Variants in CSMD1 observed in about 807,000 individuals in gnomAD.
The protein encoded by CSMD1 is CUB and Sushi multiple domains 1.
A neutral mutation model predicts 417.5 loss-of-function variants in CSMD1; 213 were observed. The ratio of observed to expected loss-of-function variants is 0.51; its 90% CI spans 0.46 to 0.57. The LOEUF (loss-of-function observed/expected upper bound fraction) is 0.57. Ranked by LOEUF, CSMD1 falls within the 20% of genes least tolerant of loss-of-function variation. The pLI is 0.00. For synonymous variants in CSMD1, 2,862 were observed against 1,736.8 expected (o/e 1.65, Z -16.11); for missense variants, 6,923 against 4,529.7 (o/e 1.53, Z -15.17).
intron 52 of CSMD1, among the ~76,000 whole-genome samples, chr8:3,002,324 G>A (rs527265887): frequency 4.6e-5 from 7 of 152,162 alleles, no homozygotes; most frequent in Non-Finnish European, 8.8e-5. Context: ...GTGCTCTGTC[G>A]TGCATGGGGG....
intron 49 of CSMD1, among the ~76,000 whole-genome samples, chr8:3,070,031 T>C (rs552945340): frequency 1.8e-4 from 28 of 152,356 alleles, no homozygotes; most frequent in African/African-American, 6.0e-4. Flanking sequence ...ACCTGGGCAC[T>C]TGTGATTCAA....
At chr8:4,567,591 C>T (rs190648684) in intron 2 of CSMD1, among the ~76,000 whole-genome samples, 3 of 152,134 alleles carry the variant, frequency 2.0e-5, no homozygotes, top group South Asian at 4.2e-4. Context: ...AGCTTGAAAA[C>T]CCCACAGAAA....
At chr8:3,389,066 C>T (rs1212465538) in intron 17 of CSMD1, among the ~76,000 whole-genome samples, 1 of 152,098 alleles carries the variant, frequency 6.6e-6, no homozygotes, top group Non-Finnish European at 1.5e-5. Context: ...TTGTTGTTTA[C>T]TTTTATTTTA....
At chr8:3,445,491 C>A (rs955454616) in intron 12 of CSMD1, among the ~76,000 whole-genome samples, 1 of 152,082 alleles carries the variant, frequency 6.6e-6, no homozygotes, top group Non-Finnish European at 1.5e-5. Flanking sequence ...CAGATGGAAC[C>A]AAGCCTCTAT....
chr8:3,785,416 G>C (rs529888179), intron 5 of CSMD1, among the ~76,000 whole-genome samples: 2 of 152,286 alleles, frequency 1.3e-5, no homozygotes, highest in African/African-American at 2.4e-5. Context: ...GAGAGGTCAG[G>C]CTAAGCAGCT....
chr8:3,692,181 C>T (rs1479953693), intron 7 of CSMD1, among the ~76,000 whole-genome samples: 1 of 152,186 alleles, frequency 6.6e-6, no homozygotes, highest in Admixed American at 6.5e-5. Flanking sequence ...ATTGTTTCTC[C>T]TGACTTTACG....
intron 18 of CSMD1, among the ~76,000 whole-genome samples, chr8:3,382,453 T>C (rs1235092766): frequency 2.1e-5 from 3 of 139,854 alleles, no homozygotes; most frequent in Non-Finnish European, 4.6e-5. Flanking sequence ...TATAATATAA[T>C]ATATATAATA....
chr8:3,839,245 TTAA>T (rs1424913791), intron 5 of CSMD1, among the ~76,000 whole-genome samples: 1 of 125,292 alleles, frequency 8.0e-6, no homozygotes, highest in Non-Finnish European at 1.6e-5. Context: ...ATATATACTA[TTAA>T]TATATATTAC....
At chr8:4,624,345 T>C (rs960401233) in intron 2 of CSMD1, among the ~76,000 whole-genome samples, 1 of 152,106 alleles carries the variant, frequency 6.6e-6, no homozygotes, top group Non-Finnish European at 1.5e-5. Flanking sequence ...AATCTCTCCA[T>C]TATCAAAAGA....
intron 3 of CSMD1, among the ~76,000 whole-genome samples, chr8:4,240,303 T>C (rs140675331): frequency 2.0e-5 from 3 of 152,304 alleles, no homozygotes; most frequent in Non-Finnish European, 4.4e-5. Flanking sequence ...CCTTATCACC[T>C]TGTACAAGTT....
intron 1 of CSMD1, among the ~76,000 whole-genome samples, chr8:4,734,494 T>A (rs1810099219): frequency 6.6e-6 from 1 of 152,296 alleles, no homozygotes; most frequent in Non-Finnish European, 1.5e-5. Context: ...GCTCTAAGAT[T>A]TTTTTATTTC....
rs528808835 is a variant in CSMD1 at position 3,076,883 on chromosome 8, G to A, written c.7474+10214C>T. ...GATTTTTTAGATTGAGGGTACATGTGCATTTTGCTACCTGGATATACTACA... is the reference window on the plus strand; with the variant it reads ...GATTTTTTAGATTGAGGGTACATGTACATTTTGCTACCTGGATATACTACA... On this transcript the variant is annotated intron_variant, in intron 49 of 69. Transcript: ENST00000635120. Among the ~76,000 whole-genome samples the A allele has an allele frequency of 2.0e-5, 3 of 152,246 alleles. No homozygotes were observed. In the South Asian group the frequency reaches 6.2e-4, roughly 32 times the overall value.
intron 1 of CSMD1, among the ~76,000 whole-genome samples, chr8:4,649,329 A>G (rs561589793): frequency 6.6e-6 from 1 of 152,326 alleles, no homozygotes; most frequent in African/African-American, 2.4e-5. Context: ...GATTGTGAAC[A>G]TTGACAGAGT....
intron 5 of CSMD1, among the ~76,000 whole-genome samples, chr8:3,875,796 G>C (rs187932524): frequency 6.6e-6 from 1 of 152,138 alleles, no homozygotes; most frequent in Non-Finnish European, 1.5e-5. Context: ...GTAAAGGGAA[G>C]GTACAAAAAC....
Position 3,618,172 on chromosome 8 carries a change from A to C in CSMD1, c.1010-1375T>G, listed in dbSNP as rs547569656. Among the ~76,000 whole-genome samples the C allele has an allele frequency of 2.6e-5, 4 of 151,436 alleles. 1 individual carries two copies. The South Asian group carries it at 8.3e-4, about 32-fold the overall frequency. On this transcript the variant is annotated intron_variant, in intron 7 of 69. Transcript: ENST00000635120. ...TTGTGCCACCGTGCCCAGATAATTA[A>C]AAAAAAAATCTTTTCTAGAGATGGA...
intron 3 of CSMD1, among the ~76,000 whole-genome samples, chr8:4,413,996 A>G (rs1208115521): frequency 6.6e-6 from 1 of 152,220 alleles, no homozygotes; most frequent in Non-Finnish European, 1.5e-5. Flanking sequence ...CTATGGGCTA[A>G]TGGAGAGCCA....
chr8:4,206,488 G>C (rs1032542535), intron 3 of CSMD1, among the ~76,000 whole-genome samples: 1 of 152,020 alleles, frequency 6.6e-6, no homozygotes, highest in Non-Finnish European at 1.5e-5. Flanking sequence ...TTCCAGCTTC[G>C]TCCATGTCCC....
At chr8:4,162,701 C>A (rs73508854) in intron 3 of CSMD1, among the ~76,000 whole-genome samples, 4,018 of 152,212 alleles carry the variant, frequency 0.026, 187 homozygotes, top group African/African-American at 0.091. Flanking sequence ...CAACATCCCA[C>A]GCCAGAGTGG....
At chr8:4,321,304 T>C (rs1799260196) in intron 3 of CSMD1, among the ~76,000 whole-genome samples, 1 of 152,154 alleles carries the variant, frequency 6.6e-6, no homozygotes, top group Non-Finnish European at 1.5e-5. Context: ...CCCAGTCTCT[T>C]GCCTATTGTT....
Sources: gnomAD v4.1 joint callset for allele counts (sites outside exome capture counted in the v4.1 genomes callset) on GRCh38, gnomAD v4.1.1 for gene constraint, MANE v1.5 for transcripts, NCBI Gene and HGNC (gene_info 2026-07-23, HGNC 2026-07-21) for gene names.